The following DNAH11 variants were observed in gnomAD, a reference collection of about 807,000 sequenced individuals.
The protein encoded by DNAH11 is axonemal beta dynein heavy chain 11.
A neutral mutation model predicts 526.0 loss-of-function variants in DNAH11; 442 were observed. The observed-to-expected ratio is 0.84, with a 90% confidence interval of 0.78 to 0.91. The LOEUF is 0.91. Among genes scored for constraint, DNAH11 ranks in the 40% least tolerant of loss-of-function variants. The pLI is 0.00. For synonymous variants in DNAH11, 2,461 were observed against 1,935.9 expected, an observed-to-expected ratio of 1.27 and a Z score of -7.12; for missense variants, 6,989 against 5,448.7, an observed-to-expected ratio of 1.28 and a Z score of -8.90.
chr7:21,713,742 G>A (rs952231870), intron 42 of DNAH11, among the ~76,000 whole-genome samples: 16 of 152,128 alleles, frequency 1.1e-4, no homozygotes, highest in Non-Finnish European at 2.2e-4. Flanking sequence ...TGACATGCTC[G>A]CTAAAAGTCT....
chr7:21,546,420 A>T (rs1218093379), intron 2 of DNAH11, among the ~76,000 whole-genome samples: 1 of 152,198 alleles, frequency 6.6e-6, no homozygotes, highest in Non-Finnish European at 1.5e-5. Context: ...ATTGAACTGA[A>T]TCTGATGACT....
intron 77 of DNAH11, among the ~76,000 whole-genome samples, chr7:21,893,499 A>G (rs938262876): frequency 2.0e-5 from 3 of 152,242 alleles, no homozygotes; most frequent in Admixed American, 2.0e-4. Context: ...ATTGCCGGTC[A>G]GAGTGATGCC....
chr7:21,675,864 A>G (rs114625093), intron 30 of DNAH11, among the ~76,000 whole-genome samples: 2,623 of 152,202 alleles, frequency 0.017, 69 homozygotes, highest in African/African-American at 0.06. Flanking sequence ...TAAAATAGAA[A>G]CATTTAGAAT....
At chr7:21,594,388 A>G (rs1249855510) in intron 14 of DNAH11, among the ~76,000 whole-genome samples, 2 of 152,170 alleles carry the variant, frequency 1.3e-5, no homozygotes, top group African/African-American at 4.8e-5. Flanking sequence ...GGTTTTTGAA[A>G]TATGAGAGCA....
intron 54 of DNAH11, among the ~76,000 whole-genome samples, chr7:21,756,691 C>T (rs1273734004): frequency 3.3e-5 from 5 of 152,066 alleles, no homozygotes; most frequent in African/African-American, 9.7e-5. Flanking sequence ...TTTCCCAAAA[C>T]AAAGGATATT....
intron 76 of DNAH11, among the ~76,000 whole-genome samples, chr7:21,891,544 A>G (rs558604445): frequency 1.3e-5 from 2 of 152,290 alleles, no homozygotes; most frequent in South Asian, 2.1e-4. Context: ...TCAGGCTCAT[A>G]AATTCTTTTG....
intron 4 of DNAH11, among the ~76,000 whole-genome samples, chr7:21,560,511 C>G (rs1783409948): frequency 6.6e-6 from 1 of 152,144 alleles, no homozygotes; most frequent in Non-Finnish European, 1.5e-5. Flanking sequence ...GCCCAAGAGC[C>G]CCTGGCAAAC....
At chr7:21,706,569 C>T (rs1315842200) in intron 39 of DNAH11, among the ~76,000 whole-genome samples, 1 of 152,014 alleles carries the variant, frequency 6.6e-6, no homozygotes, top group Non-Finnish European at 1.5e-5. Flanking sequence ...CAGATGTAGG[C>T]CACAGTTCAA....
At chr7:21,868,644 G>T (rs988464823) in intron 72 of DNAH11, among the ~76,000 whole-genome samples, 1 of 152,182 alleles carries the variant, frequency 6.6e-6, no homozygotes, top group East Asian at 1.9e-4. Flanking sequence ...AAAACCAAAG[G>T]AACTGGCTTC....
chr7:21,586,396 A>G (rs1784479228), intron 9 of DNAH11, among the ~76,000 whole-genome samples: 1 of 152,214 alleles, frequency 6.6e-6, no homozygotes, highest in Non-Finnish European at 1.5e-5. Flanking sequence ...AAAGTTAATC[A>G]TTTACATTTT....
chr7:21,800,367 C>T (rs950037316), intron 61 of DNAH11, among the ~76,000 whole-genome samples: 17 of 152,200 alleles, frequency 1.1e-4, no homozygotes, highest in African/African-American at 3.9e-4. Context: ...CACAGTGGCT[C>T]ATGCCTGTAA....
chr7:21,668,128 T>G (rs749143401), intron 30 of DNAH11, among the ~76,000 whole-genome samples: 1 of 152,178 alleles, frequency 6.6e-6, no homozygotes, highest in Non-Finnish European at 1.5e-5. Flanking sequence ...GCAAATCTCC[T>G]AAGTTAGCAT....
intron 9 of DNAH11, among the ~76,000 whole-genome samples, chr7:21,584,426 C>T (rs1269095349): frequency 6.6e-6 from 1 of 151,678 alleles, no homozygotes; most frequent in Admixed American, 6.6e-5. Context: ...CAGGGGATGT[C>T]AGGGAGTGGG....
chr7:21,866,566 A>G lies in DNAH11; in HGVS notation c.11593A>G (p.Lys3865Glu), dbSNP rs1783287978. 1 of 1,613,994 alleles carries G rather than the reference A, an allele frequency of 6.2e-7. No homozygotes were observed. Reference protein sequence around the residue: ...RKWVESECPEKEKLPQEWKKK... With the variant: ...RKWVESECPEEEKLPQEWKKK... ...GTGGGTAGAATCCGAGTGTCCAGAA[A>G]AAGAAAAATTACCTCAAGAATGGAA... is the stretch of plus-strand genomic sequence containing the variant. Residue 3865 changes from lysine to glutamate, a missense_variant, in exon 71 of 82, where the codon AAA becomes GAA. Coordinates refer to ENST00000409508, the MANE Select transcript of DNAH11 (RefSeq NM_001277115.2).
intron 55 of DNAH11, among the ~76,000 whole-genome samples, chr7:21,770,614 G>A (rs2127977181): frequency 6.6e-6 from 1 of 152,274 alleles, no homozygotes; most frequent in South Asian, 2.1e-4. Context: ...GCTGGTAAGG[G>A]GTACATCTGC....
intron 70 of DNAH11, among the ~76,000 whole-genome samples, chr7:21,865,928 A>T (rs892521725): frequency 6.6e-6 from 1 of 152,152 alleles, no homozygotes; most frequent in Admixed American, 6.5e-5. Context: ...TGGCATTTGT[A>T]AACTGTATGG....
chr7:21,826,457 A>G lies in DNAH11; in HGVS notation c.10691+8118A>G, dbSNP rs114282888. The stretch of plus-strand genomic sequence containing the variant: ...AAGGGGAAAATGTTGCTATGTATTC[A>G]TTTAATAATAGAGCTACTGATTTGC... On this transcript the variant is annotated intron_variant, in intron 65 of 81. Transcript: ENST00000409508. Among the ~76,000 whole-genome samples the G allele has an allele frequency of 9.7e-3, 1,471 of 152,338 alleles. 23 individuals are homozygous for G. Among genetic ancestry groups the G allele is most frequent in the African/African-American group, 0.033 (1,377 of 41,582 alleles).
chr7:21,890,972 C>T (rs929743025), intron 76 of DNAH11, among the ~76,000 whole-genome samples: 1 of 152,116 alleles, frequency 6.6e-6, no homozygotes, highest in East Asian at 1.9e-4. Context: ...ACTTGGAATT[C>T]GCAGAAAGCA....
chr7:21,645,364 A>T (rs551425662), intron 28 of DNAH11, among the ~76,000 whole-genome samples: 2 of 152,314 alleles, frequency 1.3e-5, no homozygotes, highest in African/African-American at 2.4e-5. Context: ...TATTTAACTG[A>T]ATCTGTTTAA....
Sources: gnomAD v4.1 joint callset for allele counts (sites outside exome capture counted in the v4.1 genomes callset) on GRCh38, gnomAD v4.1.1 for gene constraint, MANE v1.5 for transcripts, NCBI Gene and HGNC (gene_info 2026-07-23, HGNC 2026-07-21) for gene names.